The following TDRD9 variants were observed in gnomAD, a reference collection of about 807,000 sequenced individuals.
TDRD9 encodes ATP-dependent RNA helicase TDRD9.
Under a neutral mutation model 172.6 loss-of-function variants are expected in TDRD9, and 124 were observed. The ratio of observed to expected loss-of-function variants is 0.72; its 90% CI spans 0.62 to 0.83. TDRD9 has a LOEUF of 0.83. Ranked by LOEUF, TDRD9 falls within the 40% of genes least tolerant of loss-of-function variation. The pLI is 0.00. For missense variants in TDRD9, 1,479 were observed against 1,714.1 expected (o/e 0.86, Z 2.42); for synonymous variants, 619 against 617.1 (o/e 1.00, Z -0.05).
chr14:103,991,625 A>C (rs139178973), intron 9 of TDRD9, among the ~76,000 whole-genome samples: 56 of 152,090 alleles, frequency 3.7e-4, no homozygotes, highest in East Asian at 2.7e-3. Context: ...GTTGGCCAGG[A>C]TGGTCTCGAT....
chr14:103,940,806 T>G, intron 1 of TDRD9: 1 of 1,529,380 alleles, frequency 6.5e-7, no homozygotes, highest in Non-Finnish European at 8.8e-7. Context: ...TGTAAGTAAC[T>G]TAACTAGATG....
intron 22 of TDRD9, 23 bp downstream of exon 22, chr14:104,016,111 CCT>C: frequency 6.5e-7 from 1 of 1,528,330 alleles, no homozygotes. Context: ...GGCAGGCCGT[CCT>C]CTCTGGGGTG....
chr14:103,952,118 T>TTA (rs1364707660), intron 1 of TDRD9, among the ~76,000 whole-genome samples: 16 of 115,818 alleles, frequency 1.4e-4, no homozygotes, highest in Middle Eastern at 4.0e-3. Context: ...AAGTTTTATG[T>TTA]TATATATATA....
intron 1 of TDRD9, among the ~76,000 whole-genome samples, chr14:103,950,933 G>T (rs1411285434): frequency 3.3e-5 from 5 of 152,212 alleles, no homozygotes; most frequent in African/African-American, 4.8e-5. Context: ...GCCACTGCTT[G>T]ACCAGCTTCA....
rs183453095 is a variant in TDRD9, at chr14:104,051,502, G to A, written c.4048-479G>A. Among the ~76,000 whole-genome samples, 386 of 152,324 alleles carry A rather than the reference G, an allele frequency of 2.5e-3. 2 individuals carry two copies. The highest frequency in any genetic ancestry group is 8.7e-4 in the Non-Finnish European group (59 of 68,028). The stretch of plus-strand genomic sequence containing the variant: ...AATTGCTGGATCAAATGGTAGTTCC[G>A]TTTTAAGACCTTTGAGAAATCTCCA... On this transcript the variant is annotated intron_variant, in intron 35 of 35. Transcript: ENST00000409874.
intron 23 of TDRD9, among the ~76,000 whole-genome samples, chr14:104,020,997 G>A (rs1411275801): frequency 2.0e-5 from 3 of 152,030 alleles, no homozygotes; most frequent in Admixed American, 2.0e-4. Flanking sequence ...GTTTTATTCT[G>A]TTCTCTCGGT....
In TDRD9 at chr14:104,044,307, A is replaced by T. The variant is rs539248282; in HGVS notation, c.3974+2120A>T. Reference sequence around the variant, plus strand: ...GCAGGCAGCAGATGCCACCTGCTTGACTAATATATTAAAACAGAATGTGTC... The same window carrying T: ...GCAGGCAGCAGATGCCACCTGCTTGTCTAATATATTAAAACAGAATGTGTC... On this transcript the variant is annotated intron_variant, in intron 34 of 35. Coordinates refer to ENST00000409874, the MANE Select transcript of TDRD9 (RefSeq NM_153046.3). Among the ~76,000 whole-genome samples the T allele has an allele frequency of 7.2e-4, 109 of 152,240 alleles. 2 individuals are homozygous for T. The South Asian group carries it at 0.013, about 18-fold the overall frequency.
intron 29 of TDRD9, among the ~76,000 whole-genome samples, chr14:104,031,578 C>T (rs2035285528): frequency 6.6e-6 from 1 of 151,176 alleles, no homozygotes; most frequent in Non-Finnish European, 1.5e-5. Flanking sequence ...CTTGGACTCC[C>T]TGGCTGGCTG....
At chr14:103,940,638 CAT>C (rs1169674964) in intron 1 of TDRD9, 1 of 517,210 alleles carries the variant, frequency 1.9e-6, no homozygotes, top group African/African-American at 1.9e-5. Context: ...TCAATGAAAA[CAT>C]AGCATGTTTA....
At chr14:104,045,959 A>G (rs2035761843) in intron 34 of TDRD9, among the ~76,000 whole-genome samples, 2 of 152,090 alleles carry the variant, frequency 1.3e-5, no homozygotes, top group African/African-American at 4.8e-5. Context: ...CTAAGACACT[A>G]CTTTATCTTT....
At chr14:104,019,843 T>C (rs7161153) in intron 23 of TDRD9, among the ~76,000 whole-genome samples, 143,755 of 152,236 alleles carry the variant, frequency 0.94, 68,413 homozygotes, top group East Asian at 1. Flanking sequence ...GGGAAAGGCC[T>C]AGAAGGTCAG....
At position 103,980,541 on chromosome 14, in the gene TDRD9, G is replaced by T. The variant is rs1473471952; in HGVS notation, c.1011+4988G>T. ...CAGGTGTACAGGATGGAACATGAAA[G>T]CAGACTAGGAGTGTGACCACTGAAG... On this transcript the variant is annotated intron_variant, in intron 7 of 35. Coordinates refer to ENST00000409874, the MANE Select transcript of TDRD9 (RefSeq NM_153046.3). The surrounding 1 kb of genome is among the most constrained non-coding windows in gnomAD (Gnocchi z 4.5). Among the ~76,000 whole-genome samples the T allele has an allele frequency of 6.6e-6, 1 of 152,194 alleles. No homozygotes were observed. Among genetic ancestry groups the T allele is most frequent in the African/African-American group, 2.4e-5 (1 of 41,438 alleles).
chr14:103,956,844 C>T (rs1324210661), intron 2 of TDRD9, among the ~76,000 whole-genome samples: 1 of 152,082 alleles, frequency 6.6e-6, no homozygotes, highest in Non-Finnish European at 1.5e-5. Flanking sequence ...CTTACTAGCA[C>T]CAGGCCCTAT....
chr14:103,975,622 A>G (rs2033205652), intron 7 of TDRD9, 69 bp downstream of exon 7: 1 of 1,442,820 alleles, frequency 6.9e-7, no homozygotes, highest in Non-Finnish European at 9.3e-7. Flanking sequence ...TGCATTCATC[A>G]CCTATGATTG....
chr14:103,928,472 C>A lies in TDRD9; in HGVS notation c.-38C>A. On this transcript the variant is annotated 5_prime_UTR_variant, in exon 1 of 36. Transcript: ENST00000409874. Reference sequence around the variant, plus strand: ...CCGTCGCCTGTTCCCGCCGCGGAGACCCGGCAGTTGGGGGATGCCGACGCC... The same window carrying A: ...CCGTCGCCTGTTCCCGCCGCGGAGAACCGGCAGTTGGGGGATGCCGACGCC... 1.4e-6 allele frequency: 2 copies of A among 1,426,880 alleles called. No individual in the cohort carries two copies. The highest frequency in any genetic ancestry group is 1.9e-6 in the Non-Finnish European group (2 of 1,080,746). The allele number at this position is 1,426,880 out of a possible 1,614,324, so 88.4% of individuals were successfully genotyped here. A position where few individuals can be genotyped will look rare whatever the true frequency, so the allele number is the denominator to read the frequency against.
intron 7 of TDRD9, among the ~76,000 whole-genome samples, chr14:103,985,280 C>T (rs1022119089): frequency 6.6e-6 from 1 of 152,042 alleles, no homozygotes. Context: ...TGAAATCTCA[C>T]CTGTTATGGG....
rs1417901761 is a variant in TDRD9, at chr14:103,963,089, A to G, written c.333A>G (p.Pro111=). ...TTTGCCTTAATCCAGGTCCAAGGCC[A>G]TCTTTGGCTAAATTAAGCAGTGTGA... is the stretch of plus-strand genomic sequence containing the variant. ...VQPTSGPGPR[P]SLAKLSSVTC... The change falls in exon 3 of 36, where the codon CCA becomes CCG. Residue 111 remains proline (P), a synonymous_variant. Coordinates refer to ENST00000409874, the MANE Select transcript of TDRD9 (RefSeq NM_153046.3). 6.5e-7 allele frequency: 1 copy of G among 1,544,878 alleles called. No individual in the cohort carries two copies. The highest frequency in any genetic ancestry group is 8.7e-7 in the Non-Finnish European group (1 of 1,144,670).
In TDRD9 at chr14:104,004,254, G is replaced by A. The variant is rs1369000154; in HGVS notation, c.1500G>A (p.Val500=). 1 of 1,597,154 alleles carries A rather than the reference G, an allele frequency of 6.3e-7. No homozygotes were observed. Among genetic ancestry groups the A allele is most frequent in the Non-Finnish European group, 8.6e-7 (1 of 1,167,682 alleles). ...CNQRKGRAGR[V]SRGYCYRLVH... ...CCTTTGAAGGCCGTGCTGGACGAGTGTCTAGAGGGTACTGTTACCGGCTGG... is the reference window on the plus strand; with the variant it reads ...CCTTTGAAGGCCGTGCTGGACGAGTATCTAGAGGGTACTGTTACCGGCTGG... The change falls in exon 14 of 36, where the codon GTG becomes GTA. Residue 500 remains valine, a synonymous_variant. Transcript: ENST00000409874.
intron 5 of TDRD9, among the ~76,000 whole-genome samples, chr14:103,967,946 T>G (rs1566746458): frequency 6.6e-6 from 1 of 152,184 alleles, no homozygotes; most frequent in Non-Finnish European, 1.5e-5. Flanking sequence ...GAAACTAAAG[T>G]TTAAGGAAGT....
Sources: gnomAD v4.1 joint callset for allele counts (sites outside exome capture counted in the v4.1 genomes callset) on GRCh38, gnomAD v4.1.1 for gene constraint, Gnocchi (gnomAD v3.1) non-coding constraint, MANE v1.5 for transcripts, NCBI Gene and HGNC (gene_info 2026-07-23, HGNC 2026-07-21) for gene names.